The following GALNTL6 variants were observed in gnomAD, a reference collection of about 807,000 sequenced individuals.
The protein encoded by GALNTL6 is polypeptide N-acetylgalactosaminyltransferase-like 6.
Under a neutral mutation model 73.7 loss-of-function variants are expected in GALNTL6, and 46 were observed. The ratio of observed to expected loss-of-function variants is 0.62; its 90% CI spans 0.49 to 0.80. The LOEUF is 0.80. Among genes scored for constraint, GALNTL6 ranks in the 30% least tolerant of loss-of-function variants. The pLI, the probability that GALNTL6 is intolerant of heterozygous loss-of-function variation, is 0.00. For missense variants in GALNTL6, 604 were observed against 755.0 expected (o/e 0.80, Z 2.34); for synonymous variants, 259 against 263.7 (o/e 0.98, Z 0.17).
intron 2 of GALNTL6, among the ~76,000 whole-genome samples, chr4:171,862,870 C>T (rs1034554167): frequency 2.0e-5 from 3 of 151,888 alleles, no homozygotes. Context: ...TTTCTCAGGA[C>T]CTATATAATT....
chr4:172,827,586 G>T (rs141919472), intron 7 of GALNTL6, among the ~76,000 whole-genome samples: 85 of 152,238 alleles, frequency 5.6e-4, no homozygotes, highest in African/African-American at 2.0e-3. Context: ...TTAGAACTGG[G>T]CCAAAACCTC....
At chr4:172,401,325 T>C (rs1744029706) in intron 5 of GALNTL6, among the ~76,000 whole-genome samples, 7 of 152,172 alleles carry the variant, frequency 4.6e-5, no homozygotes, top group Admixed American at 4.6e-4. Context: ...TAGTGAATTG[T>C]ATTGTTATTA....
chr4:172,740,153 T>C (rs1736716233), intron 5 of GALNTL6, among the ~76,000 whole-genome samples: 1 of 152,106 alleles, frequency 6.6e-6, no homozygotes, highest in Admixed American at 6.6e-5. Flanking sequence ...TTCTATTTTA[T>C]TGGCATACTC....
intron 8 of GALNTL6, among the ~76,000 whole-genome samples, chr4:172,894,736 T>C (rs1389723917): frequency 6.6e-6 from 1 of 152,158 alleles, no homozygotes; most frequent in Non-Finnish European, 1.5e-5. Context: ...CTTTGATAAT[T>C]TTCTGCCTAA....
intron 7 of GALNTL6, among the ~76,000 whole-genome samples, chr4:172,874,949 G>C (rs757282008): frequency 6.6e-6 from 1 of 152,216 alleles, no homozygotes; most frequent in Non-Finnish European, 1.5e-5. Context: ...GCCACTCCAG[G>C]GGACTAGCAG....
Position 172,370,713 on chromosome 4 carries a change from A to C in GALNTL6, c.553+22024A>C, listed in dbSNP as rs1605590. Among the ~76,000 whole-genome samples the C allele has an allele frequency of 1.8e-4, 27 of 151,006 alleles. No individual in the cohort carries two copies. The East Asian group carries it at 4.1e-3, about 23-fold the overall frequency. ...TCCTATAAATGCTGGGTGGCATCTC[A>C]TACTATCCGTGACTGGTTAGTGTAA... is the stretch of plus-strand genomic sequence containing the variant. On this transcript the variant is annotated intron_variant, in intron 5 of 12. Transcript: ENST00000506823.
intron 5 of GALNTL6, among the ~76,000 whole-genome samples, chr4:172,371,663 T>C (rs574087255): frequency 6.6e-6 from 1 of 152,122 alleles, no homozygotes; most frequent in Admixed American, 6.5e-5. Flanking sequence ...TTGTCTCTGC[T>C]TCTTCCTCTC....
intron 11 of GALNTL6, among the ~76,000 whole-genome samples, chr4:173,011,562 C>A (rs1480226963): frequency 6.6e-6 from 1 of 152,122 alleles, no homozygotes. Flanking sequence ...AATCTACTCT[C>A]CAGAGTAGCT....
chr4:172,030,261 C>A (rs1741727145), intron 2 of GALNTL6, among the ~76,000 whole-genome samples: 1 of 151,978 alleles, frequency 6.6e-6, no homozygotes, highest in African/African-American at 2.4e-5. Flanking sequence ...TCGAGAAAAA[C>A]CACAATAGCT....
chr4:172,184,383 A>T (rs1481976455), intron 2 of GALNTL6, among the ~76,000 whole-genome samples: 1 of 152,182 alleles, frequency 6.6e-6, no homozygotes, highest in African/African-American at 2.4e-5. Context: ...CCTCTGATGT[A>T]TTGTGAGTGT....
intron 3 of GALNTL6, among the ~76,000 whole-genome samples, chr4:172,246,169 G>A (rs1376967418): frequency 6.6e-6 from 1 of 152,118 alleles, no homozygotes; most frequent in African/African-American, 2.4e-5. Context: ...ATGACCAGGA[G>A]AGCACAATAG....
chr4:172,407,209 A>C (rs1371670770), intron 5 of GALNTL6, among the ~76,000 whole-genome samples: 1 of 152,046 alleles, frequency 6.6e-6, no homozygotes, highest in African/African-American at 2.4e-5. Flanking sequence ...CATGTTTATG[A>C]TTGCTTATCA....
intron 2 of GALNTL6, among the ~76,000 whole-genome samples, chr4:172,053,252 G>C (rs1667175749): frequency 6.6e-6 from 1 of 152,004 alleles, no homozygotes; most frequent in Admixed American, 6.6e-5. Context: ...GCTTTTTGAG[G>C]ATTTCTTTGT....
At chr4:172,182,060 G>T (rs1453463509) in intron 2 of GALNTL6, among the ~76,000 whole-genome samples, 1 of 152,134 alleles carries the variant, frequency 6.6e-6, no homozygotes, top group African/African-American at 2.4e-5. Flanking sequence ...CTTCAGCAAA[G>T]TCTCAGGATA....
intron 12 of GALNTL6, among the ~76,000 whole-genome samples, chr4:173,031,513 A>G (rs1404708570): frequency 6.6e-6 from 1 of 152,174 alleles, no homozygotes. Flanking sequence ...TGTGGCACAT[A>G]ATAGGTACTT....
intron 5 of GALNTL6, among the ~76,000 whole-genome samples, chr4:172,564,716 G>A (rs1736494888): frequency 6.6e-6 from 1 of 152,174 alleles, no homozygotes; most frequent in Admixed American, 6.5e-5. Context: ...AGGAGAACAA[G>A]TATTCTTTGT....
At chr4:172,718,837 C>T (rs998543436) in intron 5 of GALNTL6, among the ~76,000 whole-genome samples, 10 of 152,062 alleles carry the variant, frequency 6.6e-5, no homozygotes, top group African/African-American at 1.9e-4. Context: ...AATAGACCAT[C>T]ATCTTCCTAT....
At chr4:172,260,062 G>A (rs1339687704) in intron 3 of GALNTL6, among the ~76,000 whole-genome samples, 2 of 151,622 alleles carry the variant, frequency 1.3e-5, no homozygotes, top group Admixed American at 1.3e-4. Context: ...GTCTTACTTT[G>A]GCTATGTGGG....
At chr4:172,120,611 T>C (rs1276520870) in intron 2 of GALNTL6, among the ~76,000 whole-genome samples, 1 of 152,018 alleles carries the variant, frequency 6.6e-6, no homozygotes, top group Non-Finnish European at 1.5e-5. Flanking sequence ...TGGATATTTT[T>C]GGGGACCGTG....
Sources: allele counts gnomAD v4.1 joint callset (sites outside exome capture counted in the v4.1 genomes callset), GRCh38; gene constraint gnomAD v4.1.1; transcripts MANE v1.5; gene names NCBI Gene and HGNC (gene_info 2026-07-23, HGNC 2026-07-21).